The following UROC1 variants were observed in gnomAD, a reference collection of about 807,000 sequenced individuals.
UROC1 encodes the protein urocanate hydratase 1.
Under a neutral mutation model 89.5 loss-of-function variants are expected in UROC1, and 79 were observed. The ratio of observed to expected loss-of-function variants is 0.88; its 90% confidence interval spans 0.74 to 1.06. The LOEUF (loss-of-function observed/expected upper bound fraction) is 1.06. Ranked by LOEUF, UROC1 falls within the 50% of genes least tolerant of loss-of-function variation. The probability of loss-of-function intolerance (pLI) is 0.00; values close to 1 mark genes in which losing one functional copy is unlikely to be tolerated. For missense variants in UROC1, 885 were observed against 907.8 expected (o/e 0.97, Z 0.32); for synonymous variants, 361 against 354.8 (o/e 1.02, Z -0.20).
intron 15 of UROC1, among the ~76,000 whole-genome samples, chr3:126,495,599 T>C (rs1935757888): frequency 6.6e-6 from 1 of 152,270 alleles, no homozygotes; most frequent in African/African-American, 2.4e-5. Context: ...TGAATAGTGC[T>C]GCTGTGAACA....
chr3:126,482,148 C>G lies in UROC1; in HGVS notation c.*197G>C. On this transcript the variant is annotated 3_prime_UTR_variant, in exon 20 of 20. Transcript: ENST00000290868. Reference sequence around the variant, plus strand: ...AAGTGGCATGGTTGTGGACAGAGAGCTGCATGTCTCTGGGCCTCAGGGGGC... The same window carrying G: ...AAGTGGCATGGTTGTGGACAGAGAGGTGCATGTCTCTGGGCCTCAGGGGGC... 1 of 709,832 alleles carries G rather than the reference C, an allele frequency of 1.4e-6. No individual in the cohort carries two copies. Among genetic ancestry groups the G allele is most frequent in the Non-Finnish European group, 2.3e-6 (1 of 433,416 alleles). 44.0% of individuals were successfully genotyped at this position (709,832 alleles called of 1,614,324 possible). A position where few individuals can be genotyped will look rare whatever the true frequency, so the allele number is the denominator to read the frequency against.
chr3:126,500,560 G>T, intron 11 of UROC1, 135 bp downstream of exon 11: 1 of 1,068,038 alleles, frequency 9.4e-7, no homozygotes, highest in Non-Finnish European at 1.4e-6. Flanking sequence ...GATGGGTGGA[G>T]GCAGAGGCTC....
intron 1 of UROC1, among the ~76,000 whole-genome samples, chr3:126,513,492 C>G (rs796721385): frequency 5.3e-4 from 81 of 152,258 alleles, no homozygotes; most frequent in African/African-American, 1.8e-3. Context: ...AGTGGCTCTG[C>G]GAGGCTGCTG....
At chr3:126,489,212 T>G (rs1164429241) in intron 17 of UROC1, 64 bp downstream of exon 17, 20 of 1,447,144 alleles carry the variant, frequency 1.4e-5, no homozygotes, top group Non-Finnish European at 1.8e-5. Flanking sequence ...ACTGACTAAA[T>G]GCATCAATTT....
At chr3:126,514,812 C>T (rs1252142257) in intron 1 of UROC1, among the ~76,000 whole-genome samples, 1 of 151,826 alleles carries the variant, frequency 6.6e-6, no homozygotes, top group Admixed American at 6.6e-5. Flanking sequence ...TCCACAACCC[C>T]CTGGTGTCAT....
At chr3:126,486,180 G>A (rs1031762465) in intron 18 of UROC1, among the ~76,000 whole-genome samples, 6 of 152,222 alleles carry the variant, frequency 3.9e-5, no homozygotes, top group African/African-American at 1.4e-4. Context: ...CCTGAGGTGG[G>A]CTCCCAGATG....
intron 9 of UROC1, among the ~76,000 whole-genome samples, chr3:126,503,117 A>G (rs1935976228): frequency 6.6e-6 from 1 of 152,198 alleles, no homozygotes; most frequent in Non-Finnish European, 1.5e-5. Context: ...GAAGCCCCTC[A>G]CAGCACACCT....
At chr3:126,499,252 C>A in intron 13 of UROC1, 85 bp downstream of exon 13, 1 of 1,478,108 alleles carries the variant, frequency 6.8e-7, no homozygotes, top group Non-Finnish European at 9.3e-7. Context: ...TGAAGCTTCT[C>A]CAACCTAAAT....
At chr3:126,494,397 C>T (rs776466628) in intron 15 of UROC1, among the ~76,000 whole-genome samples, 1 of 152,194 alleles carries the variant, frequency 6.6e-6, no homozygotes, top group Non-Finnish European at 1.5e-5. Flanking sequence ...CTTCTCCACC[C>T]CATCTCTGCA....
chr3:126,500,907 A>C (rs201018413), intron 10 of UROC1, 33 bp from the exon 11 acceptor site: 450,218 of 1,607,124 alleles, frequency 0.28, 66,348 homozygotes, highest in Middle Eastern at 0.31. Context: ...AGTGCAAGCC[A>C]CACACAGCCT....
chr3:126,502,224 T>G (rs1303237947), intron 9 of UROC1, among the ~76,000 whole-genome samples: 1 of 151,640 alleles, frequency 6.6e-6, no homozygotes, highest in Non-Finnish European at 1.5e-5. Context: ...CTGTGTGTGT[T>G]TATGGTGTGT....
intron 16 of UROC1, among the ~76,000 whole-genome samples, chr3:126,491,919 C>A (rs1458594343): frequency 2.0e-5 from 3 of 152,172 alleles, no homozygotes; most frequent in African/African-American, 7.2e-5. Context: ...GGGCTACGGA[C>A]CTGCCCAAGG....
At position 126,505,744 on chromosome 3, in the gene UROC1, G is replaced by A. The variant is rs769281867; in HGVS notation, c.770C>T (p.Ala257Val). 5.0e-6 allele frequency: 8 copies of A among 1,613,710 alleles called. No individual in the cohort carries two copies. The African/African-American group carries it at 9.3e-5, about 19-fold the overall frequency. The change falls in exon 8 of 20, where the codon GCC becomes GTC. Residue 257 changes from alanine to valine, a missense_variant. Physicochemically the swap from Ala to Val is moderately conservative, Grantham distance 64. Transcript: ENST00000290868. ...GCACCCCACGATGACTGCGGCCTTG[G>A]CCTGAGCCCCACTCATTCCGCCGAG... The part of the protein sequence containing the change: ...SGLGGMSGAQ[A>V]KAAVIVGCIG...
intron 6 of UROC1, 42 bp from the exon 7 acceptor site, chr3:126,506,053 G>A (rs769155916): frequency 1.2e-6 from 2 of 1,612,000 alleles, no homozygotes; most frequent in African/African-American, 1.3e-5. Context: ...CTCAGCCAGT[G>A]CCAGGCCCAG....
At chr3:126,482,900 G>A (rs1196120490) in intron 19 of UROC1, among the ~76,000 whole-genome samples, 2 of 149,764 alleles carry the variant, frequency 1.3e-5, no homozygotes, top group Non-Finnish European at 3.0e-5. Flanking sequence ...CCCCGCCTCC[G>A]CCTTCCACAC....
At position 126,508,002 on chromosome 3, in the gene UROC1, G is replaced by A. The variant is rs115378383; in HGVS notation, c.505C>T (p.Arg169Cys). Residue 169 changes from arginine to cysteine, a missense_variant, in exon 5 of 20, where the codon CGC (arginine) becomes TGC (cysteine). Arg to Cys is a radical substitution (Grantham distance 180). Transcript: ENST00000290868. ...GTGATGACGAGCCGTGGGGCACTGC[G>A]GCTGCTGGGAAAGAGGCCAAGTGGG... ...GHPLGLFPSS[R>C]SAPRLVITNG... is the part of the protein sequence containing the mutation. The A allele has an allele frequency of 8.1e-6, 13 of 1,614,022 alleles. No homozygotes were observed. The highest frequency in any genetic ancestry group is 4.0e-5 in the African/African-American group (3 of 75,048).
At chr3:126,493,764 A>G (rs571845850) in intron 15 of UROC1, among the ~76,000 whole-genome samples, 13 of 152,358 alleles carry the variant, frequency 8.5e-5, no homozygotes, top group African/African-American at 3.1e-4. Flanking sequence ...ATAATTTACC[A>G]TAATTAAAGA....
chr3:126,497,599 C>T lies in UROC1; in HGVS notation c.1438+452G>A, dbSNP rs114473608. ...ACTAGAAGCACTGCTGTCAGCACTG[C>T]CCTGGCCACGTGGAGGGGGAGGCTG... On this transcript the variant is annotated intron_variant, in intron 14 of 19. Transcript: ENST00000290868. Among the ~76,000 whole-genome samples, 893 of 152,360 alleles carry T rather than the reference C, an allele frequency of 5.9e-3. 4 individuals carry two copies. The highest frequency in any genetic ancestry group is 9.5e-3 in the Non-Finnish European group (644 of 68,034).
At position 126,489,378 on chromosome 3, in the gene UROC1, G is replaced by A. The variant is rs1298507429; in HGVS notation, c.1609-3C>T. The A allele has an allele frequency of 6.2e-6, 10 of 1,611,048 alleles. No individual in the cohort carries two copies. Among genetic ancestry groups the A allele is most frequent in the Non-Finnish European group, 7.6e-6 (9 of 1,179,668 alleles). ...TCTCGGCTCAGGACCACCGGCGCCT[G>A]TGCATGGAAGGACAGAAGCTGTCAG... On this transcript the variant is annotated splice_region_variant and splice_polypyrimidine_tract_variant and intron_variant, in intron 16 of 19. Coordinates refer to ENST00000290868, the MANE Select transcript of UROC1 (RefSeq NM_144639.3).
Sources: allele counts gnomAD v4.1 joint callset (sites outside exome capture counted in the v4.1 genomes callset), GRCh38; gene constraint gnomAD v4.1.1; transcripts MANE v1.5; gene names NCBI Gene and HGNC (gene_info 2026-07-23, HGNC 2026-07-21).